The following TNR variants were observed in gnomAD, a reference collection of about 807,000 sequenced individuals.
The protein encoded by TNR is tenascin R.
Under a neutral mutation model 150.4 loss-of-function variants are expected in TNR, and 45 were observed. That is an observed-to-expected ratio of 0.30 (90% CI 0.24 to 0.38). TNR has a LOEUF of 0.38. TNR is among the 10% of genes least tolerant of loss of function. TNR has a pLI of 1.00. For synonymous variants in TNR, 687 were observed against 678.4 expected (o/e 1.01, Z -0.20); for missense variants, 1,544 against 1,759.1 (o/e 0.88, Z 2.19).
intron 1 of TNR, among the ~76,000 whole-genome samples, chr1:175,700,603 T>A (rs545776981): frequency 1.3e-5 from 2 of 152,260 alleles, no homozygotes; most frequent in Non-Finnish European, 2.9e-5. Flanking sequence ...GCCAAGCTCA[T>A]GTCCAGCCTC....
At position 175,324,110 on chromosome 1, in the gene TNR, C is replaced by T. The variant is rs147035905; in HGVS notation, c.3957+246G>A. On this transcript the variant is annotated intron_variant, in intron 22 of 22. Transcript: ENST00000367674. Reference sequence around the variant, plus strand: ...GTCCCCAGGACTGATAAGCTCTCTTCATGGGATCTTCTGGATCCAAGGGCT... The same window carrying T: ...GTCCCCAGGACTGATAAGCTCTCTTTATGGGATCTTCTGGATCCAAGGGCT... 1.7e-3 allele frequency among the ~76,000 whole-genome samples: 252 copies of T among 152,306 alleles called. 3 individuals are homozygous for T. The highest frequency in any genetic ancestry group is 5.8e-3 in the African/African-American group (243 of 41,558).
chr1:175,698,230 C>G (rs61806920), intron 1 of TNR, among the ~76,000 whole-genome samples: 16,029 of 152,248 alleles, frequency 0.11, 1,106 homozygotes, highest in South Asian at 0.22. Context: ...TCGGGTGGCA[C>G]TCTGTGCCAA....
chr1:175,575,038 C>A (rs1209602493), intron 1 of TNR, among the ~76,000 whole-genome samples: 1 of 152,216 alleles, frequency 6.6e-6, no homozygotes, highest in Non-Finnish European at 1.5e-5. Context: ...ATCTCTTGCT[C>A]TCTGCCTTCT....
intron 2 of TNR, among the ~76,000 whole-genome samples, chr1:175,525,706 G>A (rs867332252): frequency 3.3e-5 from 5 of 152,158 alleles, no homozygotes; most frequent in South Asian, 2.1e-4. Flanking sequence ...GTGGGCCGTC[G>A]TTCCCCACCT....
Position 175,584,987 on chromosome 1 carries a change from G to T in TNR, c.-164-56618C>A, listed in dbSNP as rs79518790. On this transcript the variant is annotated intron_variant, in intron 1 of 22. Transcript: ENST00000367674. ...AGTCTGGACAGGGGTGTGTCTGCAC[G>T]TCATTGGTTTACTGGCTTCCCTTAG... Among the ~76,000 whole-genome samples, 1,398 of 152,278 alleles carry T rather than the reference G, an allele frequency of 9.2e-3. 25 individuals carry two copies. The highest frequency in any genetic ancestry group is 0.031 in the African/African-American group (1,275 of 41,536).
At chr1:175,381,999 C>T (rs1378144552) in intron 8 of TNR, among the ~76,000 whole-genome samples, 2 of 152,246 alleles carry the variant, frequency 1.3e-5, no homozygotes, top group East Asian at 1.9e-4. Context: ...TCCAGATCCT[C>T]ACATGGCTTA....
intron 1 of TNR, among the ~76,000 whole-genome samples, chr1:175,646,981 C>G (rs1399636272): frequency 1.3e-5 from 2 of 152,238 alleles, no homozygotes; most frequent in Non-Finnish European, 2.9e-5. Flanking sequence ...CCCCATCTTT[C>G]CAGGCTCCCA....
chr1:175,669,283 C>T (rs886468687), intron 1 of TNR, among the ~76,000 whole-genome samples: 4 of 152,316 alleles, frequency 2.6e-5, no homozygotes, highest in South Asian at 2.1e-4. Flanking sequence ...GAGTAGAAAA[C>T]ATTCCCTGGG....
intron 1 of TNR, among the ~76,000 whole-genome samples, chr1:175,645,048 T>C (rs935467317): frequency 2.0e-5 from 3 of 152,224 alleles, no homozygotes; most frequent in Admixed American, 2.0e-4. Context: ...GAGTGCTAAC[T>C]GGGTGTAGAG....
At chr1:175,724,060 A>C (rs1667412890) in intron 1 of TNR, among the ~76,000 whole-genome samples, 1 of 152,160 alleles carries the variant, frequency 6.6e-6, no homozygotes, top group African/African-American at 2.4e-5. Context: ...AACCCTCCAA[A>C]AGTGAGGAGA....
At chr1:175,564,240 C>T (rs1661547282) in intron 1 of TNR, among the ~76,000 whole-genome samples, 1 of 152,186 alleles carries the variant, frequency 6.6e-6, no homozygotes, top group African/African-American at 2.4e-5. Flanking sequence ...GCCCTGGGGC[C>T]TCCCTCCTGC....
chr1:175,590,756 A>G lies in TNR; in HGVS notation c.-164-62387T>C, dbSNP rs146340237. On this transcript the variant is annotated intron_variant, in intron 1 of 22. Transcript: ENST00000367674. ...GATGAGTGGTTCATTCCAACCAGCA[A>G]GGTGAAAAGTGAAAGCAAAGCAGGT... Among the ~76,000 whole-genome samples the G allele has an allele frequency of 1.2e-3, 182 of 152,336 alleles. 1 individual carries two copies. In the East Asian group the frequency reaches 0.028, roughly 23 times the overall value.
chr1:175,573,637 A>G (rs1661977926), intron 1 of TNR, among the ~76,000 whole-genome samples: 1 of 152,254 alleles, frequency 6.6e-6, no homozygotes, highest in Admixed American at 6.5e-5. Context: ...AAAGAAGGCC[A>G]TAAATTACCA....
At chr1:175,704,797 A>C (rs1340309863) in intron 1 of TNR, among the ~76,000 whole-genome samples, 2 of 152,204 alleles carry the variant, frequency 1.3e-5, no homozygotes. Context: ...TATTTTCATG[A>C]GTTGCGGCTG....
intron 4 of TNR, among the ~76,000 whole-genome samples, chr1:175,398,825 A>G (rs1279431382): frequency 6.6e-6 from 1 of 152,220 alleles, no homozygotes; most frequent in Non-Finnish European, 1.5e-5. Flanking sequence ...AACTATTTTC[A>G]TATATACCAT....
In TNR at chr1:175,323,363, C is replaced by T; in HGVS notation, c.4071G>A (p.Gln1357=). The T allele has an allele frequency of 1.2e-6, 2 of 1,614,124 alleles. No individual in the cohort carries two copies. The highest frequency in any genetic ancestry group is 2.2e-5 in the South Asian group (2 of 91,072). Residue 1357 remains glutamine (Q), a synonymous_variant, in exon 23 of 23, where the codon CAG becomes CAA. Transcript: ENST00000367674. ...LMAGRKRQSL[Q]F ...GCTTGCAGCCGCCCACTGCTCAGAA[C>T]TGTAAGGACTGCCGTTTTCTCCCTG...
rs1482415662 is a variant in TNR, at chr1:175,396,765, C to G, written c.1019G>C (p.Arg340Thr). Reference protein sequence around the residue: ...EDLRVAGISDRSIELEWDGPM... With the variant: ...EDLRVAGISDTSIELEWDGPM... ...CCCGTCCCATTCCAGCTCAATGGAC[C>G]TGTCGCTGATACCAGCCACTCGCAA... The change falls in exon 5 of 23, where the codon AGG (arginine) becomes ACG (threonine). Residue 340 changes from arginine (R) to threonine (T), a missense_variant. Arg to Thr is a moderately conservative substitution (Grantham distance 71, BLOSUM62 -1). This residue lies in a region of TNR where 1,254 missense variants were observed against 1,329.4 expected (regional missense o/e 0.94). Transcript: ENST00000367674. The G allele has an allele frequency of 6.2e-7, 1 of 1,614,112 alleles. No homozygotes were observed. The highest frequency in any genetic ancestry group is 8.5e-7 in the Non-Finnish European group (1 of 1,179,978).
Position 175,348,484 on chromosome 1 carries a change from G to T in TNR, c.3382+5907C>A, listed in dbSNP as rs549289020. On this transcript the variant is annotated intron_variant, in intron 18 of 22. Transcript: ENST00000367674. ...CAATTAGGTAAGTCAACCTCGAAAT[G>T]AAAACTAAGGAAAACTGTTTTACCA... Among the ~76,000 whole-genome samples the T allele has an allele frequency of 5.3e-5, 8 of 152,228 alleles. No homozygotes were observed. In the East Asian group the frequency reaches 1.5e-3, roughly 29 times the overall value.
At chr1:175,742,967 C>CAA (rs747623678) in intron 1 of TNR, among the ~76,000 whole-genome samples, 27 of 144,880 alleles carry the variant, frequency 1.9e-4, no homozygotes, top group African/African-American at 6.2e-4. Context: ...CAACAGTACA[C>CAA]ACACACACAC....
Sources: allele counts gnomAD v4.1 joint callset (sites outside exome capture counted in the v4.1 genomes callset), GRCh38; gene constraint gnomAD v4.1.1; regional missense constraint gnomAD v4.1.1; transcripts MANE v1.5; gene names NCBI Gene and HGNC (gene_info 2026-07-23, HGNC 2026-07-21).